The following RFX6 variants were observed in gnomAD, a reference collection of about 807,000 sequenced individuals.
RFX6 encodes the protein regulatory factor X6.
In RFX6, 50 loss-of-function variants were observed where a neutral mutation model predicts 110.8. The observed-to-expected ratio is 0.45, with a 90% CI of 0.36 to 0.57. RFX6 has a LOEUF of 0.57. RFX6 is among the 20% of genes least tolerant of loss of function. The pLI is 0.00. For missense variants in RFX6, 990 were observed against 1,127.0 expected (o/e 0.88, Z 1.74); for synonymous variants, 383 against 411.2 (o/e 0.93, Z 0.83).
intron 13 of RFX6, among the ~76,000 whole-genome samples, 195 bp from the exon 14 acceptor site, chr6:116,922,908 TAAAG>T (rs1170235949): frequency 1.3e-5 from 2 of 152,188 alleles, no homozygotes; most frequent in African/African-American, 4.8e-5. Flanking sequence ...CCATATTGAA[TAAAG>T]ACTTATTACC....
At chr6:116,903,049 C>T (rs71570828) in intron 6 of RFX6, among the ~76,000 whole-genome samples, 6,982 of 152,080 alleles carry the variant, frequency 0.046, 239 homozygotes, top group Non-Finnish European at 0.076. Flanking sequence ...ACCCAGACCT[C>T]TGTAGCTGGC....
intron 17 of RFX6, among the ~76,000 whole-genome samples, chr6:116,928,426 C>T (rs1296442438): frequency 2.0e-5 from 3 of 152,024 alleles, no homozygotes; most frequent in African/African-American, 7.2e-5. Context: ...AAAGGTAGAT[C>T]TTGTTAATTT....
rs1369957823 is a variant in RFX6 at position 116,877,470 on chromosome 6, C to T, written c.195C>T (p.Asp65=). Residue 65 remains aspartate, a synonymous_variant, in exon 1 of 19, where the codon GAC becomes GAT. Coordinates refer to ENST00000332958, the MANE Select transcript of RFX6 (RefSeq NM_173560.4). ...AGGGCGGCGGGGAGAAAGGCGAAGA[C>T]CCGGAGCTGCCGGGGGCAGTGAAAT... is the stretch of plus-strand genomic sequence containing the variant. The part of the protein sequence containing the change: ...GEQGGGEKGE[D]PELPGAVKSE... 6.4e-7 allele frequency: 1 copy of T among 1,563,696 alleles called. No individual in the cohort carries two copies. The highest frequency in any genetic ancestry group is 2.4e-5 in the East Asian group (1 of 41,984).
At chr6:116,885,265 C>T (rs1774675822) in intron 4 of RFX6, among the ~76,000 whole-genome samples, 1 of 152,090 alleles carries the variant, frequency 6.6e-6, no homozygotes, top group Non-Finnish European at 1.5e-5. Context: ...AGTGGGTATA[C>T]AATATCTTAT....
intron 7 of RFX6, 95 bp from the exon 8 acceptor site, chr6:116,915,913 A>T: frequency 1.1e-6 from 1 of 896,586 alleles, no homozygotes. Context: ...CTTGGTACGT[A>T]ATAGGATCTT....
At chr6:116,900,076 A>G (rs1311262451) in intron 6 of RFX6, among the ~76,000 whole-genome samples, 2 of 152,240 alleles carry the variant, frequency 1.3e-5, no homozygotes, top group East Asian at 1.9e-4. Context: ...ATTTTACAAT[A>G]TGAAACTATG....
chr6:116,904,088 C>T (rs1775141979), intron 6 of RFX6, among the ~76,000 whole-genome samples: 2 of 151,880 alleles, frequency 1.3e-5, no homozygotes, highest in African/African-American at 4.8e-5. Flanking sequence ...TTTTGCCAGT[C>T]TTGTGGGTGT....
rs1326581635 is a variant in RFX6 at position 116,925,523 on chromosome 6, G to A, written c.1749G>A (p.Met583Ile). The change falls in exon 16 of 19, where the codon ATG becomes ATA. Residue 583 changes from methionine (M) to isoleucine (I), a missense_variant. Transcript: ENST00000332958. ...CFLANRNKGS[M>I]VSSDAVKNES... ...TGGCCAACCGTAATAAAGGGAGCAT[G>A]GTTTCCAGCGACGCTGTGAAGAATG... The A allele has an allele frequency of 1.2e-6, 2 of 1,614,120 alleles. No homozygotes were observed. The highest frequency in any genetic ancestry group is 1.7e-6 in the Non-Finnish European group (2 of 1,179,968).
intron 15 of RFX6, 141 bp downstream of exon 15, chr6:116,924,932 C>A: frequency 1.5e-6 from 1 of 676,002 alleles, no homozygotes; most frequent in South Asian, 1.7e-5. Context: ...TCTCACCATA[C>A]AGTCACACTA....
chr6:116,889,139 C>A (rs1774764968), intron 4 of RFX6, among the ~76,000 whole-genome samples: 1 of 152,112 alleles, frequency 6.6e-6, no homozygotes, highest in Non-Finnish European at 1.5e-5. Context: ...CAAAGTACAC[C>A]AATTTCATGC....
At chr6:116,906,744 TGTGTG>T (rs1237335507) in intron 6 of RFX6, among the ~76,000 whole-genome samples, 1 of 36,890 alleles carries the variant, frequency 2.7e-5, no homozygotes, top group African/African-American at 8.3e-5. Flanking sequence ...ATTTATGAGT[TGTGTG>T]TGTGTGTGTG....
chr6:116,922,237 G>C (rs1775616573), intron 13 of RFX6, 86 bp downstream of exon 13: 3 of 671,808 alleles, frequency 4.5e-6, no homozygotes, highest in Non-Finnish European at 8.0e-6. Flanking sequence ...TGGGGGGAGA[G>C]GGGTGGAAGG....
Position 116,925,625 on chromosome 6 carries a change from C to A in RFX6, c.1851C>A (p.Phe617Leu). The change falls in exon 16 of 19, where the codon TTC becomes TTA. Residue 617 changes from phenylalanine to leucine, a missense_variant. By Grantham distance (22) the Phe-to-Leu change is conservative. Transcript: ENST00000332958. ...PGGLGPALHQ[F>L]PAGNTDNMPL... ...GCCTAGGCCCTGCTCTGCACCAGTT[C>A]CCTGCTGGGAACACAGACAACATGC... 1.9e-6 allele frequency: 3 copies of A among 1,613,888 alleles called. No homozygotes were observed. The highest frequency in any genetic ancestry group is 2.5e-6 in the Non-Finnish European group (3 of 1,179,822).
chr6:116,930,673 G>C (rs1477960491), intron 18 of RFX6, among the ~76,000 whole-genome samples: 2 of 152,026 alleles, frequency 1.3e-5, no homozygotes. Flanking sequence ...TCTGAGGGAG[G>C]AGTTCCAGGC....
chr6:116,908,080 C>T (rs565046447), intron 6 of RFX6, among the ~76,000 whole-genome samples: 74 of 152,138 alleles, frequency 4.9e-4, no homozygotes, highest in Non-Finnish European at 9.0e-4. Flanking sequence ...CAATATCTGT[C>T]TTCCAATTGG....
At chr6:116,877,735 A>G in intron 1 of RFX6, 61 bp from the exon 2 acceptor site, 1 of 1,568,662 alleles carries the variant, frequency 6.4e-7, no homozygotes. Flanking sequence ...GGTACACTTA[A>G]AGGCGACTTA....
At chr6:116,917,812 T>C (rs1775500670) in intron 9 of RFX6, among the ~76,000 whole-genome samples, 2 of 152,152 alleles carry the variant, frequency 1.3e-5, no homozygotes, top group Admixed American at 6.6e-5. Context: ...GTAATTAACA[T>C]ACTGAGCATG....
rs1775692045 is a variant in RFX6, at chr6:116,925,463, A to G, written c.1689A>G (p.Lys563=). ...DKYMKNSDAS[K]AAFTASPSSC... ...AAAAACTCTTTCCAGATGCGAGTAA[A>G]GCTGCTTTCACTGCTTCTCCGAGTT... The change falls in exon 16 of 19, where the codon AAA becomes AAG. Residue 563 remains lysine, a synonymous_variant. Transcript: ENST00000332958. The G allele has an allele frequency of 1.9e-6, 3 of 1,613,966 alleles. No homozygotes were observed. The highest frequency in any genetic ancestry group is 2.5e-6 in the Non-Finnish European group (3 of 1,179,810).
chr6:116,920,258 A>G, intron 11 of RFX6, 52 bp from the exon 12 acceptor site: 2 of 1,440,082 alleles, frequency 1.4e-6, no homozygotes, highest in Non-Finnish European at 2.0e-6. Context: ...AATTTCTTCT[A>G]GATACATTAG....
Sources: gnomAD v4.1 joint callset for allele counts (sites outside exome capture counted in the v4.1 genomes callset) on GRCh38, gnomAD v4.1.1 for gene constraint, MANE v1.5 for transcripts, NCBI Gene and HGNC (gene_info 2026-07-23, HGNC 2026-07-21) for gene names.